ADAMTS9: variants seen among roughly 807,000 people sequenced by gnomAD.
ADAMTS9 encodes ADAM metallopeptidase with thrombospondin type 1 motif 9, also known as A disintegrin and metalloproteinase with thrombospondin motifs 9.
A neutral mutation model predicts 257.1 loss-of-function variants in ADAMTS9; 107 were observed. The ratio of observed to expected loss-of-function variants is 0.42; its 90% CI spans 0.36 to 0.49. The LOEUF is 0.49. ADAMTS9 is among the 20% of genes least tolerant of loss of function. The pLI is 0.03. For missense variants in ADAMTS9, 2,353 were observed against 2,469.1 expected (o/e 0.95, Z 1.00); for synonymous variants, 982 against 880.9 (o/e 1.11, Z -2.03).
intron 38 of ADAMTS9, among the ~76,000 whole-genome samples, chr3:64,531,659 G>T (rs1052261843): frequency 2.6e-5 from 4 of 152,108 alleles, no homozygotes; most frequent in African/African-American, 9.7e-5. Context: ...CAAAACCAGG[G>T]TCTCACCACC....
Position 64,596,411 on chromosome 3 carries a change from C to T in ADAMTS9, c.4179+419G>A, listed in dbSNP as rs1001995350. Reference sequence around the variant, plus strand: ...ATAGGAATTATAACACCTACTCAATCTGGCTTCATTAGTGACTTGGAATGT... The same window carrying T: ...ATAGGAATTATAACACCTACTCAATTTGGCTTCATTAGTGACTTGGAATGT... On this transcript the variant is annotated intron_variant, in intron 27 of 39. Transcript: ENST00000498707. 1.3e-5 allele frequency among the ~76,000 whole-genome samples: 2 copies of T among 152,184 alleles called. 1 individual carries two copies. The highest frequency in any genetic ancestry group is 2.9e-5 in the Non-Finnish European group (2 of 68,032).
At chr3:64,520,408 A>G (rs573720574) in intron 39 of ADAMTS9, among the ~76,000 whole-genome samples, 16 of 152,288 alleles carry the variant, frequency 1.1e-4, no homozygotes, top group Admixed American at 3.9e-4. Flanking sequence ...CAAATTACCA[A>G]TGTTATTCTT....
rs201332958 is a variant in ADAMTS9 at position 64,546,721 on chromosome 3, A to G, written c.5064+37T>C. 6 of 1,547,390 alleles carry G rather than the reference A, an allele frequency of 3.9e-6. No individual in the cohort carries two copies. The Admixed American group carries it at 7.6e-5, about 20-fold the overall frequency. ...ATGTTTAAGACGGGGTTGAGATCCA[A>G]GGGCTTTCAGATTTGAGTGCTCAGT... On this transcript the variant is annotated intron_variant, in intron 32 of 39. Coordinates refer to ENST00000498707, the MANE Select transcript of ADAMTS9 (RefSeq NM_182920.2).
chr3:64,542,071 T>TCTGAA, intron 32 of ADAMTS9, 101 bp from the exon 33 acceptor site: 3 of 1,487,876 alleles, frequency 2.0e-6, no homozygotes, highest in Non-Finnish European at 2.7e-6. Context: ...ATGTACAGGG[T>TCTGAA]GTCACTTCAG....
chr3:64,570,025 G>A (rs1216896456), intron 28 of ADAMTS9, among the ~76,000 whole-genome samples: 1 of 152,148 alleles, frequency 6.6e-6, no homozygotes, highest in Non-Finnish European at 1.5e-5. Flanking sequence ...CTAGAAGTAT[G>A]CTGATGACTT....
chr3:64,522,105 T>C, intron 39 of ADAMTS9, 61 bp downstream of exon 39: 2 of 1,463,856 alleles, frequency 1.4e-6, no homozygotes, highest in East Asian at 2.3e-5. Flanking sequence ...CATTTGCTCA[T>C]ATAGGCTACA....
chr3:64,682,407 C>A (rs993867616), intron 2 of ADAMTS9, among the ~76,000 whole-genome samples: 1 of 152,160 alleles, frequency 6.6e-6, no homozygotes, highest in African/African-American at 2.4e-5. Context: ...ATTCTAAGCA[C>A]CTTGCAAGTC....
intron 32 of ADAMTS9, among the ~76,000 whole-genome samples, chr3:64,542,793 C>CA (rs1266091170): frequency 3.9e-5 from 6 of 151,968 alleles, no homozygotes. Context: ...GATAGAGACA[C>CA]AAAAAGCCCT....
chr3:64,603,905 A>T lies in ADAMTS9; in HGVS notation c.3747+17T>A. ...TTTCCCCCATTCCCCCTAATTCCAA[A>T]TAATCCACTGGCTTACAGAGCTCCA... On this transcript the variant is annotated intron_variant, in intron 25 of 39. Transcript: ENST00000498707. 6.2e-7 allele frequency: 1 copy of T among 1,612,730 alleles called. No individual in the cohort carries two copies.
intron 39 of ADAMTS9, among the ~76,000 whole-genome samples, chr3:64,517,420 T>TTTTTTTTTTTTTTTTTG: frequency 8.3e-6 from 1 of 121,038 alleles, no homozygotes; most frequent in Non-Finnish European, 1.8e-5. Context: ...AAAATGGTTT[T>TTTTTTTTTTTTTTTTTG]TTTTTTTTTT....
rs994926525 is a variant in ADAMTS9, at chr3:64,686,341, T to C, written c.516+227A>G. ...GAACCGAGTCCAAACTCCAGAAAGC[T>C]CTGAAACATCCAGAAGCCCCTGGGG... On this transcript the variant is annotated intron_variant, in intron 2 of 39. Coordinates refer to ENST00000498707, the MANE Select transcript of ADAMTS9 (RefSeq NM_182920.2). This position sits in a 1 kb window ranked among gnomAD's most constrained non-coding sequence, Gnocchi z 4.6. Among the ~76,000 whole-genome samples, 2 of 152,212 alleles carry C rather than the reference T, an allele frequency of 1.3e-5. No individual in the cohort carries two copies. Among genetic ancestry groups the C allele is most frequent in the Non-Finnish European group, 2.9e-5 (2 of 68,042 alleles).
intron 38 of ADAMTS9, among the ~76,000 whole-genome samples, chr3:64,529,032 T>G (rs12630140): frequency 0.04 from 6,118 of 152,286 alleles, 679 homozygotes; most frequent in Admixed American, 0.25. Context: ...TGCGGCAGGT[T>G]GGAGAGGCTG....
intron 29 of ADAMTS9, among the ~76,000 whole-genome samples, chr3:64,563,588 T>G (rs1042279264): frequency 6.6e-6 from 1 of 152,202 alleles, no homozygotes; most frequent in Non-Finnish European, 1.5e-5. Context: ...AAATTACTTA[T>G]GGTTCAACGA....
chr3:64,641,490 T>G (rs1700640009), intron 12 of ADAMTS9, among the ~76,000 whole-genome samples: 3 of 107,376 alleles, frequency 2.8e-5, no homozygotes, highest in Middle Eastern at 6.6e-3. Flanking sequence ...CCCACAACAG[T>G]CCCCAGAGTG....
intron 32 of ADAMTS9, among the ~76,000 whole-genome samples, chr3:64,544,171 T>C (rs140539407): frequency 0.87 from 132,628 of 151,578 alleles, 59,013 homozygotes; most frequent in Non-Finnish European, 0.97. Flanking sequence ...ATCAATATCA[T>C]GAACATGGCC....
intron 28 of ADAMTS9, among the ~76,000 whole-genome samples, chr3:64,578,890 T>A (rs1478788368): frequency 1.3e-5 from 2 of 152,208 alleles, no homozygotes; most frequent in African/African-American, 4.8e-5. Flanking sequence ...GTGACCACTG[T>A]CATCTGAGCA....
intron 19 of ADAMTS9, among the ~76,000 whole-genome samples, chr3:64,619,037 T>C (rs973302765): frequency 2.0e-5 from 3 of 152,178 alleles, no homozygotes; most frequent in Non-Finnish European, 2.9e-5. Context: ...TCAAACATTA[T>C]CTCCACCCTC....
At chr3:64,517,429 T>TTTTTTTTTTTTTG (rs1321284198) in intron 39 of ADAMTS9, among the ~76,000 whole-genome samples, 1 of 130,598 alleles carries the variant, frequency 7.7e-6, no homozygotes, top group Non-Finnish European at 1.7e-5. Context: ...TTTTTTTTTT[T>TTTTTTTTTTTTTG]TTTTTTTTTT....
intron 37 of ADAMTS9, among the ~76,000 whole-genome samples, chr3:64,535,444 T>A (rs1315895258): frequency 6.6e-6 from 1 of 152,174 alleles, no homozygotes; most frequent in Non-Finnish European, 1.5e-5. Context: ...TTATGTGGCA[T>A]GGCTGCCATG....
Sources: allele counts gnomAD v4.1 joint callset (sites outside exome capture counted in the v4.1 genomes callset), GRCh38; gene constraint gnomAD v4.1.1; non-coding constraint Gnocchi (gnomAD v3.1); transcripts MANE v1.5; gene names NCBI Gene and HGNC (gene_info 2026-07-23, HGNC 2026-07-21).